The following TTC3 variants were observed in gnomAD, a reference collection of about 807,000 sequenced individuals.
TTC3 encodes E3 ubiquitin-protein ligase TTC3.
In TTC3, 180 loss-of-function variants were observed where a neutral mutation model predicts 249.6. The ratio of observed to expected loss-of-function variants is 0.72; its 90% CI spans 0.64 to 0.82. The LOEUF (loss-of-function observed/expected upper bound fraction) is 0.82. Among genes scored for constraint, TTC3 ranks in the 40% least tolerant of loss-of-function variants. The pLI is 0.00. For missense variants in TTC3, 2,061 were observed against 2,398.4 expected (o/e 0.86, Z 2.94); for synonymous variants, 717 against 805.0 (o/e 0.89, Z 1.85).
Position 37,129,766 on chromosome 21 carries a change from G to A in TTC3, c.1358+703G>A, listed in dbSNP as rs140106462. Reference sequence around the variant, plus strand: ...TTTGCCTCAGCTCCCAAGTAGCCAGGACTACTACTGCTACTATGGTGCACG... The same window carrying A: ...TTTGCCTCAGCTCCCAAGTAGCCAGAACTACTACTGCTACTATGGTGCACG... On this transcript the variant is annotated intron_variant, in intron 16 of 45. Transcript: ENST00000355666. 8.0e-3 allele frequency among the ~76,000 whole-genome samples: 1,210 copies of A among 152,184 alleles called. 8 individuals are homozygous for A. Among genetic ancestry groups the A allele is most frequent in the Non-Finnish European group, 0.012 (850 of 68,002 alleles).
chr21:37,159,680 C>T lies in TTC3; in HGVS notation c.2993-19C>T, dbSNP rs762552801. ...TAAATATTTAGTTTTCTCACAAAACCATCTGTATATTCCTACAGACAGCCG... is the reference window on the plus strand; with the variant it reads ...TAAATATTTAGTTTTCTCACAAAACTATCTGTATATTCCTACAGACAGCCG... On this transcript the variant is annotated intron_variant, in intron 28 of 45. Coordinates refer to ENST00000355666, the Ensembl canonical transcript of TTC3. 3 of 1,610,490 alleles carry T rather than the reference C, an allele frequency of 1.9e-6. No individual in the cohort carries two copies. Among genetic ancestry groups the T allele is most frequent in the South Asian group, 2.2e-5 (2 of 90,322 alleles).
At chr21:37,195,889 G>C in exon 42 of TTC3, 1 of 1,614,244 alleles carries the variant, frequency 6.2e-7, no homozygotes, top group Non-Finnish European at 8.5e-7. Flanking sequence ...AAACGGGCTG[G>C]CCAGGCAGCT....
Position 37,189,182 on chromosome 21 carries a change from G to C in TTC3, c.5024+587G>C, listed in dbSNP as rs149342763. Among the ~76,000 whole-genome samples the C allele has an allele frequency of 7.2e-5, 11 of 152,300 alleles. No homozygotes were observed. In the East Asian group the frequency reaches 2.1e-3, roughly 29 times the overall value. ...TAACAGTCTGCATGACAGCATGCGA[G>C]AATGTTTACAAAGTATATTCACACA... On this transcript the variant is annotated intron_variant, in intron 39 of 45. Coordinates refer to ENST00000355666, the Ensembl canonical transcript of TTC3.
At chr21:37,099,502 G>A (rs1164514874) in intron 10 of TTC3, among the ~76,000 whole-genome samples, 3 of 152,176 alleles carry the variant, frequency 2.0e-5, no homozygotes, top group African/African-American at 7.2e-5. Context: ...AAAAGGGAAT[G>A]TGAAAGTCGA....
At chr21:37,178,077 A>G (rs576550720) in intron 35 of TTC3, among the ~76,000 whole-genome samples, 11 of 152,174 alleles carry the variant, frequency 7.2e-5, no homozygotes, top group Admixed American at 1.3e-4. Context: ...GTAGTCTTTT[A>G]TAAGTGTCTT....
intron 9 of TTC3, among the ~76,000 whole-genome samples, chr21:37,096,261 ATCC>A (rs2073932622): frequency 6.6e-6 from 1 of 152,216 alleles, no homozygotes; most frequent in Non-Finnish European, 1.5e-5. Flanking sequence ...AAGTAATCCT[ATCC>A]TCTAGAGTTA....
rs143917889 is a variant in TTC3, at chr21:37,126,648, G to A, written c.1297+505G>A. ...ACCCATATTGAGAACAGATGCTGCTGTAACAAAAATACCATAAACTAGATA... is the reference window on the plus strand; with the variant it reads ...ACCCATATTGAGAACAGATGCTGCTATAACAAAAATACCATAAACTAGATA... On this transcript the variant is annotated intron_variant, in intron 15 of 45. Coordinates refer to ENST00000355666, the Ensembl canonical transcript of TTC3. Among the ~76,000 whole-genome samples, 224 of 152,262 alleles carry A rather than the reference G, an allele frequency of 1.5e-3. 2 individuals are homozygous for A. Among genetic ancestry groups the A allele is most frequent in the African/African-American group, 4.9e-3 (205 of 41,562 alleles).
At chr21:37,116,156 CATT>C (rs2076126641) in intron 11 of TTC3, among the ~76,000 whole-genome samples, 1 of 152,158 alleles carries the variant, frequency 6.6e-6, no homozygotes, top group Non-Finnish European at 1.5e-5. Context: ...AGCAGGCACT[CATT>C]AGTAAATAAT....
At chr21:37,146,097 G>A (rs2078961671) in intron 21 of TTC3, among the ~76,000 whole-genome samples, 1 of 152,196 alleles carries the variant, frequency 6.6e-6, no homozygotes, top group South Asian at 2.1e-4. Context: ...AGTCATAATA[G>A]CCCAAAATGG....
exon 21 of TTC3, chr21:37,144,530 T>C (rs778708219): frequency 6.8e-6 from 11 of 1,609,274 alleles, no homozygotes; most frequent in Non-Finnish European, 8.5e-6. Context: ...TTTAGATTTC[T>C]AGAAGCTCTC....
At chr21:37,196,096 TTAGA>T in intron 42 of TTC3, 60 bp downstream of exon 42, 1 of 1,575,796 alleles carries the variant, frequency 6.3e-7, no homozygotes, top group Non-Finnish European at 8.6e-7. Context: ...GGTTTCCTGA[TTAGA>T]TAAAATCATG....
At chr21:37,086,973 T>A in intron 1 of TTC3, 1 of 329,902 alleles carries the variant, frequency 3.0e-6, no homozygotes, top group Non-Finnish European at 5.5e-6. Context: ...GATGATCCTC[T>A]ATTTAAAGGA....
chr21:37,200,158 A>G, intron 44 of TTC3, 74 bp from the exon 45 acceptor site: 2 of 1,410,486 alleles, frequency 1.4e-6, no homozygotes, highest in Non-Finnish European at 1.9e-6. Flanking sequence ...TTTGAAGGCC[A>G]CTTGAAGGAA....
At chr21:37,138,642 C>T (rs141548588) in exon 19 of TTC3, 14 of 1,610,692 alleles carry the variant, frequency 8.7e-6, no homozygotes, top group Non-Finnish European at 1.2e-5. Flanking sequence ...AGCAATTGAA[C>T]CTGGCCATGA....
intron 11 of TTC3, among the ~76,000 whole-genome samples, chr21:37,120,413 GAA>G (rs2076487289): frequency 6.6e-6 from 1 of 152,158 alleles, no homozygotes; most frequent in Admixed American, 6.6e-5. Flanking sequence ...GGAGAAAAGA[GAA>G]AGAAATAAAG....
intron 28 of TTC3, among the ~76,000 whole-genome samples, chr21:37,159,178 C>T (rs1054901712): frequency 3.3e-5 from 5 of 152,150 alleles, no homozygotes; most frequent in Admixed American, 6.5e-5. Context: ...TCTTCACTCA[C>T]GTAGTTCCCC....
intron 10 of TTC3, 69 bp downstream of exon 10, chr21:37,096,712 G>T: frequency 8.1e-7 from 1 of 1,228,902 alleles, no homozygotes. Flanking sequence ...AAACGTTTCT[G>T]TTTTTCAGGT....
intron 17 of TTC3, 110 bp from the exon 18 acceptor site, chr21:37,135,270 T>TG: frequency 8.2e-7 from 1 of 1,212,780 alleles, no homozygotes; most frequent in Non-Finnish European, 1.1e-6. Context: ...TGGGTATTGA[T>TG]GTAAACATTT....
At chr21:37,094,180 A>G in intron 8 of TTC3, 90 bp downstream of exon 8, 1 of 585,124 alleles carries the variant, frequency 1.7e-6, no homozygotes. Context: ...CTGACAATAT[A>G]CAATTCATAA....
Sources: allele counts gnomAD v4.1 joint callset (sites outside exome capture counted in the v4.1 genomes callset), GRCh38; gene constraint gnomAD v4.1.1; transcripts MANE v1.5; gene names NCBI Gene and HGNC (gene_info 2026-07-23, HGNC 2026-07-21).